LTBP2: variants seen among roughly 807,000 people sequenced by gnomAD.
LTBP2 encodes the protein latent-transforming growth factor beta-binding protein 2.
In LTBP2, 103 loss-of-function variants were observed where a neutral mutation model predicts 210.6. The ratio of observed to expected loss-of-function variants is 0.49; its 90% CI spans 0.42 to 0.58. The LOEUF (loss-of-function observed/expected upper bound fraction) is 0.58, where lower values mean the gene tolerates loss of function less well. Among genes scored for constraint, LTBP2 ranks in the 20% least tolerant of loss-of-function variants. The pLI is 0.00. For missense variants in LTBP2, 2,313 were observed against 2,494.5 expected (o/e 0.93, Z 1.55); for synonymous variants, 1,007 against 1,015.0 (o/e 0.99, Z 0.15).
chr14:74,507,769 T>C (rs1162711048), intron 25 of LTBP2, among the ~76,000 whole-genome samples: 2 of 152,250 alleles, frequency 1.3e-5, no homozygotes, highest in Non-Finnish European at 2.9e-5. Context: ...AAAACTAGAT[T>C]GTGTGCTCTG....
At chr14:74,592,863 G>C (rs1417339949) in intron 2 of LTBP2, among the ~76,000 whole-genome samples, 1 of 152,108 alleles carries the variant, frequency 6.6e-6, no homozygotes, top group Non-Finnish European at 1.5e-5. Context: ...CGGACAACCG[G>C]AAGACTACAC....
At chr14:74,587,447 G>T (rs1438864460) in intron 2 of LTBP2, among the ~76,000 whole-genome samples, 4 of 151,806 alleles carry the variant, frequency 2.6e-5, no homozygotes, top group Non-Finnish European at 5.9e-5. Flanking sequence ...GACTCAGATG[G>T]GGCGGCCAGG....
At chr14:74,590,938 C>T (rs117096840) in intron 2 of LTBP2, among the ~76,000 whole-genome samples, 10,395 of 152,152 alleles carry the variant, frequency 0.068, 520 homozygotes, top group Non-Finnish European at 0.1. Context: ...TAGACTTCAC[C>T]ACTAAACAAT....
At chr14:74,603,493 G>C (rs2088478409) in intron 2 of LTBP2, 142 bp downstream of exon 2, 1 of 806,414 alleles carries the variant, frequency 1.2e-6, no homozygotes, top group Non-Finnish European at 2.1e-6. Flanking sequence ...AATAGGGGCT[G>C]CATCTTCAGG....
intron 3 of LTBP2, among the ~76,000 whole-genome samples, chr14:74,575,786 C>G (rs1050416786): frequency 1.3e-5 from 2 of 152,196 alleles, no homozygotes; most frequent in Non-Finnish European, 2.9e-5. Flanking sequence ...AGACAAAGGT[C>G]TCTTCCCACT....
intron 4 of LTBP2, among the ~76,000 whole-genome samples, chr14:74,554,379 G>A (rs2087702343): frequency 6.6e-6 from 1 of 152,100 alleles, no homozygotes; most frequent in African/African-American, 2.4e-5. Flanking sequence ...CATGCCTGTA[G>A]TCCCAGCTAC....
At position 74,528,953 on chromosome 14, in the gene LTBP2, G is replaced by T. The variant is rs2087313972; in HGVS notation, c.2152+5C>A. The stretch of plus-strand genomic sequence containing the variant: ...GTGAAAGCTGGGATGGGAACAGGAG[G>T]TTACCTGTGCCAGGCAGAGGGCATT... On this transcript the variant is annotated splice_donor_5th_base_variant and intron_variant, in intron 11 of 35. Coordinates refer to ENST00000261978, the MANE Select transcript of LTBP2 (RefSeq NM_000428.3). 1.9e-6 allele frequency: 3 copies of T among 1,610,942 alleles called. No individual in the cohort carries two copies. The highest frequency in any genetic ancestry group is 1.7e-4 in the Middle Eastern group (1 of 5,962).
At chr14:74,504,182 T>C (rs1019913567) in intron 30 of LTBP2, 128 bp from the exon 31 acceptor site, 1 of 1,172,276 alleles carries the variant, frequency 8.5e-7, no homozygotes, top group Non-Finnish European at 1.2e-6. Context: ...TTTGGGCAAG[T>C]TGCTTAAGTT....
chr14:74,539,709 CTGAGAG>C (rs1006361859), intron 8 of LTBP2, among the ~76,000 whole-genome samples: 1 of 151,792 alleles, frequency 6.6e-6, no homozygotes, highest in African/African-American at 2.4e-5. Context: ...GAGACGGAGA[CTGAGAG>C]GGAGAGGGAG....
chr14:74,541,848 A>T (rs1253396933), intron 8 of LTBP2, among the ~76,000 whole-genome samples: 1 of 152,194 alleles, frequency 6.6e-6, no homozygotes, highest in Non-Finnish European at 1.5e-5. Flanking sequence ...TGCATAACCA[A>T]AGTGCCGGGC....
At chr14:74,567,766 A>C (rs1360494721) in intron 3 of LTBP2, among the ~76,000 whole-genome samples, 1 of 151,230 alleles carries the variant, frequency 6.6e-6, no homozygotes, top group East Asian at 2.0e-4. Context: ...TATTTCTCAC[A>C]CTCAACTTCA....
chr14:74,594,735 A>G (rs574611041), intron 2 of LTBP2, among the ~76,000 whole-genome samples: 2 of 152,308 alleles, frequency 1.3e-5, no homozygotes, highest in Admixed American at 6.5e-5. Context: ...TGGTTTCCAC[A>G]GGAAGGAGAG....
At chr14:74,574,603 C>G (rs2088031107) in intron 3 of LTBP2, among the ~76,000 whole-genome samples, 1 of 152,176 alleles carries the variant, frequency 6.6e-6, no homozygotes, top group Non-Finnish European at 1.5e-5. Context: ...TGATGATGAA[C>G]TGGAAAAGGT....
chr14:74,611,991 T>C lies in LTBP2; in HGVS notation c.-47A>G. The C allele has an allele frequency of 6.7e-7, 1 of 1,488,180 alleles. No individual in the cohort carries two copies. The highest frequency in any genetic ancestry group is 8.9e-7 in the Non-Finnish European group (1 of 1,128,666). The allele number at this position is 1,488,180 out of a possible 1,614,324, so 92.2% of individuals were successfully genotyped here. The stretch of plus-strand genomic sequence containing the variant: ...GGTGCGCGCGGGCACCGCGAAGAGC[T>C]TTGTGGTCGGCACGCTGGACGCCCG... On this transcript the variant is annotated 5_prime_UTR_variant, in exon 1 of 36. Transcript: ENST00000261978.
chr14:74,554,540 T>A (rs1189147782), intron 4 of LTBP2, among the ~76,000 whole-genome samples: 1 of 152,058 alleles, frequency 6.6e-6, no homozygotes, highest in Non-Finnish European at 1.5e-5. Flanking sequence ...TAACGCTAAG[T>A]GAAAGAAGCC....
Position 74,508,646 on chromosome 14 carries a change from C to G in LTBP2, c.3610G>C (p.Ala1204Pro). ...NSHGSFFCLCAPGFVSAEGGT... is the reference protein window; with the variant it reads ...NSHGSFFCLCPPGFVSAEGGT... ...CCCTCTGCGCTGACGAAGCCAGGCG[C>G]GCACAGACAGAAGAAAGACCCGTGG... Residue 1204 changes from alanine (A) to proline (P), a missense_variant, in exon 24 of 36, where the codon GCG (alanine) becomes CCG (proline). Ala to Pro is a conservative substitution (Grantham distance 27). Coordinates refer to ENST00000261978, the MANE Select transcript of LTBP2 (RefSeq NM_000428.3). The G allele has an allele frequency of 1.2e-6, 2 of 1,612,620 alleles. No homozygotes were observed. Among genetic ancestry groups the G allele is most frequent in the African/African-American group, 1.3e-5 (1 of 75,022 alleles).
intron 27 of LTBP2, 58 bp downstream of exon 27, chr14:74,506,640 G>C (rs1358420960): frequency 6.2e-6 from 10 of 1,604,762 alleles, no homozygotes; most frequent in Non-Finnish European, 8.5e-6. Flanking sequence ...TTGAGGAGGA[G>C]GACCCCAGGG....
chr14:74,600,120 G>C (rs60411104), intron 2 of LTBP2, among the ~76,000 whole-genome samples: 1 of 152,096 alleles, frequency 6.6e-6, no homozygotes, highest in African/African-American at 2.4e-5. Context: ...CACCTTCTGC[G>C]GAGCTCTGGA....
At chr14:74,595,489 G>A (rs1467653542) in intron 2 of LTBP2, among the ~76,000 whole-genome samples, 1 of 152,234 alleles carries the variant, frequency 6.6e-6, no homozygotes, top group African/African-American at 2.4e-5. Context: ...CCCCAGAGGT[G>A]AGACAGGCTG....
Sources: gnomAD v4.1 joint callset for allele counts (sites outside exome capture counted in the v4.1 genomes callset) on GRCh38, gnomAD v4.1.1 for gene constraint, MANE v1.5 for transcripts, NCBI Gene and HGNC (gene_info 2026-07-23, HGNC 2026-07-21) for gene names.